ZNF566: variants seen among roughly 807,000 people sequenced by gnomAD.
ZNF566 encodes the protein zinc finger protein 566.
A neutral mutation model predicts 32.8 loss-of-function variants in ZNF566; 27 were observed. The observed-to-expected ratio is 0.82, with a 90% CI of 0.61 to 1.14. The LOEUF is 1.14. Among genes scored for constraint, ZNF566 ranks in the 50% most tolerant of loss-of-function variants. The pLI is 0.00. For synonymous variants in ZNF566, 154 were observed against 159.5 expected, an observed-to-expected ratio of 0.97 and a Z score of 0.26; for missense variants, 402 against 490.4, an observed-to-expected ratio of 0.82 and a Z score of 1.70.
chr19:36,470,395 T>C (rs1337898873), intron 4 of ZNF566, among the ~76,000 whole-genome samples: 1 of 152,126 alleles, frequency 6.6e-6, no homozygotes, highest in Non-Finnish European at 1.5e-5. Flanking sequence ...CTAAAAAGCA[T>C]GAATCCTTTT....
rs2033089006 is a variant in ZNF566, at chr19:36,449,533, T to C, written c.701A>G (p.Lys234Arg). Residue 234 changes from lysine to arginine, a missense_variant, in exon 5 of 5, where the codon AAA becomes AGA. Lys to Arg is a conservative substitution (Grantham distance 26). Coordinates refer to ENST00000452939, the MANE Select transcript of ZNF566 (RefSeq NM_001145344.1). ...KKPFECKECG[K>R]TFICGSDLTR... ...AAGGTCTGAGCCACAAATAAAGGTT[T>C]TTCCACATTCCTTACATTCAAAGGG... 4 of 1,614,158 alleles carry C rather than the reference T, an allele frequency of 2.5e-6. No individual in the cohort carries two copies. Among genetic ancestry groups the C allele is most frequent in the Non-Finnish European group, 8.5e-7 (1 of 1,180,026 alleles).
At chr19:36,477,299 C>G (rs554928084) in intron 1 of ZNF566, among the ~76,000 whole-genome samples, 1 of 152,048 alleles carries the variant, frequency 6.6e-6, no homozygotes, top group Non-Finnish European at 1.5e-5. Flanking sequence ...TATGAGCCAC[C>G]GCGCCTGGCC....
At chr19:36,466,290 T>TCCC (rs1328806537) in intron 4 of ZNF566, among the ~76,000 whole-genome samples, 3 of 151,950 alleles carry the variant, frequency 2.0e-5, no homozygotes, top group Non-Finnish European at 4.4e-5. Context: ...TGTACAGCTG[T>TCCC]CCCTCTGTAC....
At chr19:36,462,617 G>A (rs2033497167) in intron 4 of ZNF566, among the ~76,000 whole-genome samples, 1 of 151,670 alleles carries the variant, frequency 6.6e-6, no homozygotes, top group Non-Finnish European at 1.5e-5. Flanking sequence ...TGGAGGCTGG[G>A]ACATGCAAAA....
chr19:36,450,499 T>C (rs1878927), intron 4 of ZNF566, among the ~76,000 whole-genome samples: 83,263 of 151,756 alleles, frequency 0.55, 23,220 homozygotes, highest in African/African-American at 0.61. Flanking sequence ...AAAAATCTAG[T>C]GGGGCATGGT....
Position 36,472,926 on chromosome 19 carries a change from T to C in ZNF566, c.217A>G (p.Arg73Gly), listed in dbSNP as rs1274667984. 1 of 1,613,874 alleles carries C rather than the reference T, an allele frequency of 6.2e-7. No homozygotes were observed. Among genetic ancestry groups the C allele is most frequent in the South Asian group, 1.1e-5 (1 of 91,050 alleles). ...EPWLADRELT[R>G]GQWPVLESRC... The stretch of plus-strand genomic sequence containing the variant: ...CCTCACTTACCTGGCCACTGGCCTC[T>C]TGTTAGCTCTCTGTCAGCCAACCAG... The change falls in exon 4 of 5, where the codon AGA (arginine) becomes GGA (glycine). Residue 73 changes from arginine to glycine, a missense_variant. This residue lies in a region of ZNF566 where 220 missense variants were observed against 241.9 expected (regional missense o/e 0.91). Coordinates refer to ENST00000452939, the MANE Select transcript of ZNF566 (RefSeq NM_001145344.1).
At chr19:36,484,016 G>A (rs965024078) in intron 1 of ZNF566, among the ~76,000 whole-genome samples, 1 of 152,098 alleles carries the variant, frequency 6.6e-6, no homozygotes, top group Non-Finnish European at 1.5e-5. Context: ...GGGATTACAG[G>A]TGCACTCCAC....
intron 4 of ZNF566, among the ~76,000 whole-genome samples, chr19:36,461,676 A>G (rs1214057223): frequency 6.6e-6 from 1 of 152,002 alleles, no homozygotes; most frequent in African/African-American, 2.4e-5. Flanking sequence ...GTCTCAGAAA[A>G]AATAAAATAA....
chr19:36,465,353 G>A (rs1041511289), intron 4 of ZNF566, among the ~76,000 whole-genome samples: 2 of 152,178 alleles, frequency 1.3e-5, no homozygotes, highest in Non-Finnish European at 2.9e-5. Context: ...CCAAGATCCT[G>A]CAATGGTATT....
Position 36,449,220 on chromosome 19 carries a change from A to C in ZNF566, c.1014T>G (p.Pro338=). The C allele has an allele frequency of 6.2e-7, 1 of 1,613,648 alleles. No individual in the cohort carries two copies. The highest frequency in any genetic ancestry group is 1.1e-5 in the South Asian group (1 of 91,056). The change falls in exon 5 of 5, where the codon CCT becomes CCG. Residue 338 remains proline, a synonymous_variant. Transcript: ENST00000452939. ...KHQRIHTGEK[P]YECKECEKAF... is the part of the protein sequence containing the mutation. Reference sequence around the variant, plus strand: ...CCTTTTCACATTCCTTACATTCGTAAGGTTTCTCACCTGTATGGATTCTTT... The same window carrying C: ...CCTTTTCACATTCCTTACATTCGTACGGTTTCTCACCTGTATGGATTCTTT...
chr19:36,449,850 A>G lies in ZNF566; in HGVS notation c.384T>C (p.Phe128=), dbSNP rs1317672988. ...FRDDWECNRQ[F]KKELGSQGGH... The stretch of plus-strand genomic sequence containing the variant: ...CCCCCTGAGAGCCGAGTTCTTTCTT[A>G]AACTGCCGATTACATTCCCAATCAT... The change falls in exon 5 of 5, where the codon TTT becomes TTC. Residue 128 remains phenylalanine, a synonymous_variant. Coordinates refer to ENST00000452939, the MANE Select transcript of ZNF566 (RefSeq NM_001145344.1). 6.2e-7 allele frequency: 1 copy of G among 1,614,162 alleles called. No individual in the cohort carries two copies. Among genetic ancestry groups the G allele is most frequent in the Admixed American group, 1.7e-5 (1 of 60,014 alleles).
intron 1 of ZNF566, 134 bp downstream of exon 1, chr19:36,489,352 A>T (rs1332613054): frequency 4.2e-6 from 1 of 235,706 alleles, no homozygotes; most frequent in African/African-American, 2.3e-5. Context: ...AGCCTGTCAC[A>T]ATCGCGCGAT....
chr19:36,458,687 T>C (rs2033382036), intron 4 of ZNF566, among the ~76,000 whole-genome samples: 1 of 152,234 alleles, frequency 6.6e-6, no homozygotes. Context: ...CTGTATTGTA[T>C]ACTTGGAATT....
chr19:36,470,307 C>T (rs1389000815), intron 4 of ZNF566, among the ~76,000 whole-genome samples: 1 of 152,254 alleles, frequency 6.6e-6, no homozygotes, highest in South Asian at 2.1e-4. Flanking sequence ...ATAAGCAAAC[C>T]CACCCTTGAT....
chr19:36,455,018 T>C (rs2145643724), intron 4 of ZNF566, among the ~76,000 whole-genome samples: 1 of 152,206 alleles, frequency 6.6e-6, no homozygotes, highest in Middle Eastern at 3.4e-3. Flanking sequence ...ATTAAAAGGA[T>C]CATGCAACAT....
intron 4 of ZNF566, among the ~76,000 whole-genome samples, chr19:36,468,432 C>G (rs561333579): frequency 6.6e-6 from 1 of 151,316 alleles, no homozygotes; most frequent in African/African-American, 2.5e-5. Context: ...ATGGCAAAAC[C>G]CTGTCTCTAC....
chr19:36,460,268 T>C (rs966855742), intron 4 of ZNF566, among the ~76,000 whole-genome samples: 1 of 152,196 alleles, frequency 6.6e-6, no homozygotes, highest in Non-Finnish European at 1.5e-5. Flanking sequence ...GTTGGAATTA[T>C]CAGATAATGA....
At chr19:36,484,869 A>G (rs997190188) in intron 1 of ZNF566, among the ~76,000 whole-genome samples, 29 of 152,218 alleles carry the variant, frequency 1.9e-4, no homozygotes, top group Admixed American at 4.6e-4. Flanking sequence ...GATTACAGGC[A>G]TGAGCCACCG....
chr19:36,489,374 C>A (rs2034252969), intron 1 of ZNF566, 112 bp downstream of exon 1: 1 of 258,928 alleles, frequency 3.9e-6, no homozygotes, highest in Non-Finnish European at 7.7e-6. Flanking sequence ...ATTCACCACA[C>A]ACCTCCACAC....
Sources: allele counts gnomAD v4.1 joint callset (sites outside exome capture counted in the v4.1 genomes callset), GRCh38; gene constraint gnomAD v4.1.1; regional missense constraint gnomAD v4.1.1; transcripts MANE v1.5; gene names NCBI Gene and HGNC (gene_info 2026-07-23, HGNC 2026-07-21).